The following MLLT3 variants were observed in gnomAD, a reference collection of about 807,000 sequenced individuals.
The protein encoded by MLLT3 is MLLT3 super elongation complex subunit.
A neutral mutation model predicts 53.2 loss-of-function variants in MLLT3; 4 were observed. That is an observed-to-expected ratio of 0.08 (90% CI 0.04 to 0.17). The LOEUF is 0.17. Among genes scored for constraint, MLLT3 ranks in the 10% least tolerant of loss-of-function variants. The probability of loss-of-function intolerance (pLI) is 1.00; values close to 1 mark genes in which losing one functional copy is unlikely to be tolerated. For synonymous variants in MLLT3, 283 were observed against 230.6 expected, an observed-to-expected ratio of 1.23 and a Z score of -2.06; for missense variants, 569 against 684.0, an observed-to-expected ratio of 0.83 and a Z score of 1.87.
At chr9:20,520,115 A>T (rs143924525) in intron 2 of MLLT3, among the ~76,000 whole-genome samples, 161 of 152,282 alleles carry the variant, frequency 1.1e-3, no homozygotes, top group African/African-American at 3.8e-3. Flanking sequence ...GCCAAATACC[A>T]CATGTTCTCA....
Position 20,526,304 on chromosome 9 carries a change from T to C in MLLT3, c.194-69518A>G, listed in dbSNP as rs543331116. Among the ~76,000 whole-genome samples, 5 of 152,286 alleles carry C rather than the reference T, an allele frequency of 3.3e-5. No individual in the cohort carries two copies. The South Asian group carries it at 1.0e-3, about 32-fold the overall frequency. ...ATAAACTACCTCTCAGTTCAAGAAA[T>C]GGAACATTACCAGTTTCCCAGAAGC... On this transcript the variant is annotated intron_variant, in intron 2 of 10. Coordinates refer to ENST00000380338, the MANE Select transcript of MLLT3 (RefSeq NM_004529.4).
At chr9:20,390,257 T>C (rs373511926) in intron 5 of MLLT3, among the ~76,000 whole-genome samples, 2 of 152,194 alleles carry the variant, frequency 1.3e-5, no homozygotes, top group East Asian at 3.8e-4. Flanking sequence ...AAAAGTAGGA[T>C]ACTAATTTTC....
At chr9:20,376,284 T>G (rs1437360937) in intron 5 of MLLT3, among the ~76,000 whole-genome samples, 1 of 152,168 alleles carries the variant, frequency 6.6e-6, no homozygotes, top group Non-Finnish European at 1.5e-5. Context: ...CTTGAATGAA[T>G]TTGATGTTAG....
intron 2 of MLLT3, among the ~76,000 whole-genome samples, chr9:20,587,586 T>C (rs1820007557): frequency 6.6e-6 from 1 of 152,258 alleles, no homozygotes; most frequent in Non-Finnish European, 1.5e-5. Context: ...AATGTGGCTT[T>C]CAAATACAGA....
At chr9:20,420,982 G>A (rs1286228761) in intron 4 of MLLT3, among the ~76,000 whole-genome samples, 1 of 152,106 alleles carries the variant, frequency 6.6e-6, no homozygotes, top group African/African-American at 2.4e-5. Flanking sequence ...TAGAAAATTA[G>A]GCCAGGCACA....
In MLLT3 at chr9:20,345,554, G is replaced by A; in HGVS notation, c.*889C>T. On this transcript the variant is annotated 3_prime_UTR_variant, in exon 11 of 11. Transcript: ENST00000380338. Reference sequence around the variant, plus strand: ...TTTACTTCCATATTCACCTAATATTGTAACAGTAAAACAGACACAAGAATG... The same window carrying A: ...TTTACTTCCATATTCACCTAATATTATAACAGTAAAACAGACACAAGAATG... 1 of 199,544 alleles carries A rather than the reference G, an allele frequency of 5.0e-6. No individual in the cohort carries two copies. Among genetic ancestry groups the A allele is most frequent in the East Asian group, 7.7e-5 (1 of 12,940 alleles). The allele number at this position is 199,544 out of a possible 1,614,324, so 12.4% of individuals were successfully genotyped here. A position where few individuals can be genotyped will look rare whatever the true frequency, so the allele number is the denominator to read the frequency against.
In MLLT3 at chr9:20,351,209, C is replaced by T. The variant is rs115585580; in HGVS notation, c.1575+2316G>A. On this transcript the variant is annotated intron_variant, in intron 10 of 10. Transcript: ENST00000380338. The stretch of plus-strand genomic sequence containing the variant: ...GGTTCTTAGAAGGAATATTCTAATA[C>T]GCCACAGATTCCCCATTCCCTGCAG... 5.9e-3 allele frequency among the ~76,000 whole-genome samples: 897 copies of T among 152,264 alleles called. 12 individuals are homozygous for T. Among genetic ancestry groups the T allele is most frequent in the African/African-American group, 0.021 (858 of 41,548 alleles).
chr9:20,542,506 T>G (rs1021440605), intron 2 of MLLT3, among the ~76,000 whole-genome samples: 1 of 152,156 alleles, frequency 6.6e-6, no homozygotes, highest in Non-Finnish European at 1.5e-5. Context: ...CGCCTCGGCC[T>G]CCCAAAGTGC....
chr9:20,522,467 T>C (rs929242519), intron 2 of MLLT3, among the ~76,000 whole-genome samples: 1 of 152,190 alleles, frequency 6.6e-6, no homozygotes, highest in Admixed American at 6.5e-5. Flanking sequence ...TATCTTCTCT[T>C]AGATATAATC....
At chr9:20,428,050 G>C (rs991294662) in intron 4 of MLLT3, among the ~76,000 whole-genome samples, 2 of 151,960 alleles carry the variant, frequency 1.3e-5, no homozygotes, top group Admixed American at 6.6e-5. Flanking sequence ...AATACGGTGA[G>C]AGTATTTCCA....
chr9:20,404,401 G>T (rs1024763804), intron 5 of MLLT3, among the ~76,000 whole-genome samples: 15 of 152,138 alleles, frequency 9.9e-5, no homozygotes, highest in Non-Finnish European at 1.6e-4. Context: ...TTAATATTTT[G>T]CTTGAACTAA....
At chr9:20,490,962 T>C (rs1479078299) in intron 2 of MLLT3, among the ~76,000 whole-genome samples, 1 of 152,102 alleles carries the variant, frequency 6.6e-6, no homozygotes, top group Non-Finnish European at 1.5e-5. Flanking sequence ...GAATTAAAAA[T>C]TGCAGCTGGA....
intron 5 of MLLT3, among the ~76,000 whole-genome samples, chr9:20,403,469 A>G (rs940569843): frequency 6.6e-6 from 1 of 152,120 alleles, no homozygotes; most frequent in African/African-American, 2.4e-5. Flanking sequence ...GAGGTAAACT[A>G]TTAGGCTTAT....
chr9:20,441,415 G>A (rs1218705455), intron 4 of MLLT3, among the ~76,000 whole-genome samples: 1 of 152,092 alleles, frequency 6.6e-6, no homozygotes, highest in Non-Finnish European at 1.5e-5. Context: ...ATTACATTTG[G>A]AATTAAGGCT....
At chr9:20,563,978 GTAAAA>G (rs1398546203) in intron 2 of MLLT3, among the ~76,000 whole-genome samples, 2 of 152,156 alleles carry the variant, frequency 1.3e-5, no homozygotes, top group Non-Finnish European at 2.9e-5. Context: ...CATTTGGCAA[GTAAAA>G]TCCATCTCCA....
At chr9:20,532,858 A>G in intron 2 of MLLT3, 1 of 265,134 alleles carries the variant, frequency 3.8e-6, no homozygotes, top group South Asian at 5.3e-5. Context: ...GACCACAAGT[A>G]CAGACCAGAG....
At chr9:20,362,630 C>A (rs1233852998) in intron 7 of MLLT3, 3 of 151,106 alleles carry the variant, frequency 2.0e-5, no homozygotes, top group Admixed American at 6.6e-5. Flanking sequence ...GGGCACACAC[C>A]CTGAGGAGGC....
intron 2 of MLLT3, among the ~76,000 whole-genome samples, chr9:20,606,247 C>T (rs1475530472): frequency 6.6e-6 from 1 of 151,696 alleles, no homozygotes; most frequent in African/African-American, 2.4e-5. Flanking sequence ...ACATTATTGC[C>T]TCCAGCAAGA....
intron 2 of MLLT3, among the ~76,000 whole-genome samples, chr9:20,466,035 T>G (rs888054013): frequency 1.1e-4 from 16 of 152,106 alleles, no homozygotes. Context: ...GCTGTTTAAG[T>G]GATTCTACAA....
Sources: gnomAD v4.1 joint callset for allele counts (sites outside exome capture counted in the v4.1 genomes callset) on GRCh38, gnomAD v4.1.1 for gene constraint, MANE v1.5 for transcripts, NCBI Gene and HGNC (gene_info 2026-07-23, HGNC 2026-07-21) for gene names.